KL: variants seen among roughly 807,000 people sequenced by gnomAD.
KL encodes klotho, also known as alpha-klotho.
In KL, 62 loss-of-function variants were observed where a neutral mutation model predicts 84.2. The observed-to-expected ratio is 0.74, with a 90% CI of 0.60 to 0.91. KL has a LOEUF of 0.91. KL is among the 40% of genes least tolerant of loss of function. The probability of loss-of-function intolerance (pLI) is 0.00; values close to 1 mark genes in which losing one functional copy is unlikely to be tolerated. For missense variants in KL, 1,261 were observed against 1,305.7 expected, an observed-to-expected ratio of 0.97 and a Z score of 0.53; for synonymous variants, 528 against 528.0, an observed-to-expected ratio of 1.00 and a Z score of 0.00.
chr13:33,016,410 G>A, upstream of KL: 3 of 821,542 alleles, frequency 3.7e-6, no homozygotes, highest in South Asian at 1.6e-4. Flanking sequence ...GGGGCGCGGC[G>A]CGGGGCCCCG....
At chr13:33,057,382 G>A (rs896745579) in intron 3 of KL, among the ~76,000 whole-genome samples, 1 of 152,138 alleles carries the variant, frequency 6.6e-6, no homozygotes, top group African/African-American at 2.4e-5. Flanking sequence ...AGTCTTAAGG[G>A]TACATCCTAT....
At chr13:33,025,055 A>G (rs999037726) in intron 1 of KL, among the ~76,000 whole-genome samples, 2 of 152,188 alleles carry the variant, frequency 1.3e-5, no homozygotes, top group African/African-American at 4.8e-5. Flanking sequence ...GCACTGTCAG[A>G]AAAGAGGGAT....
chr13:33,061,586 T>A lies in KL; in HGVS notation c.2507T>A (p.Ile836Asn). 1 of 1,614,160 alleles carries A rather than the reference T, an allele frequency of 6.2e-7. No individual in the cohort carries two copies. The highest frequency in any genetic ancestry group is 8.5e-7 in the Non-Finnish European group (1 of 1,180,034). The change falls in exon 4 of 5, where the codon ATC (isoleucine) becomes AAC (asparagine). Residue 836 changes from isoleucine to asparagine, a missense_variant. Ile to Asn is a moderately radical substitution (Grantham distance 149). Coordinates refer to ENST00000380099, the MANE Select transcript of KL (RefSeq NM_004795.4). Reference protein sequence around the residue: ...DYLEVQEMTDITWLNSPSQVA... With the variant: ...DYLEVQEMTDNTWLNSPSQVA... Reference sequence around the variant, plus strand: ...CTAGAAGTGCAAGAAATGACCGACATCACGTGGCTCAACTCCCCCAGTCAG... The same window carrying A: ...CTAGAAGTGCAAGAAATGACCGACAACACGTGGCTCAACTCCCCCAGTCAG...
chr13:33,035,858 C>G (rs887473329), intron 1 of KL, among the ~76,000 whole-genome samples: 2 of 152,112 alleles, frequency 1.3e-5, no homozygotes, highest in Non-Finnish European at 2.9e-5. Flanking sequence ...TAGTTCTGTA[C>G]AGATAAATTA....
At chr13:33,034,678 G>T (rs140740268) in intron 1 of KL, among the ~76,000 whole-genome samples, 1 of 151,940 alleles carries the variant, frequency 6.6e-6, no homozygotes, top group Non-Finnish European at 1.5e-5. Flanking sequence ...GTTGGTTGTC[G>T]CTCCTCCTGC....
In KL at chr13:33,064,933, A is replaced by G. The variant is rs905319701; in HGVS notation, c.*747A>G. Reference sequence around the variant, plus strand: ...TTGATAAGTATCTGCGGAAAAACAAACATGAATCCTGTGATATTGGGCTCT... The same window carrying G: ...TTGATAAGTATCTGCGGAAAAACAAGCATGAATCCTGTGATATTGGGCTCT... On this transcript the variant is annotated 3_prime_UTR_variant, in exon 5 of 5. Coordinates refer to ENST00000380099, the MANE Select transcript of KL (RefSeq NM_004795.4). 1.3e-5 allele frequency: 3 copies of G among 228,834 alleles called. No homozygotes were observed. Among genetic ancestry groups the G allele is most frequent in the African/African-American group, 6.7e-5 (3 of 45,084 alleles). 14.2% of individuals were successfully genotyped at this position (228,834 alleles called of 1,614,324 possible).
At chr13:33,018,457 A>C (rs982779374) in intron 1 of KL, among the ~76,000 whole-genome samples, 1 of 152,214 alleles carries the variant, frequency 6.6e-6, no homozygotes, top group Non-Finnish European at 1.5e-5. Flanking sequence ...AATAATGGCT[A>C]AATTAGATTT....
In KL at chr13:33,065,502, A is replaced by G. The variant is rs1593815865; in HGVS notation, c.*1316A>G. 4 of 188,816 alleles carry G rather than the reference A, an allele frequency of 2.1e-5. No individual in the cohort carries two copies. In the East Asian group the frequency reaches 3.4e-4, roughly 16 times the overall value. 11.7% of individuals were successfully genotyped at this position (188,816 alleles called of 1,614,324 possible). A position where few individuals can be genotyped will look rare whatever the true frequency, so the allele number is the denominator to read the frequency against. On this transcript the variant is annotated 3_prime_UTR_variant, in exon 5 of 5. Transcript: ENST00000380099. ...ATATTGTATCAGGCAAGATAAACCA[A>G]TGTCATAACAGGCATTGCCAACCTC... is the stretch of plus-strand genomic sequence containing the variant.
chr13:33,059,288 A>G (rs1220856635), intron 3 of KL, among the ~76,000 whole-genome samples: 4 of 152,206 alleles, frequency 2.6e-5, no homozygotes, highest in Non-Finnish European at 4.4e-5. Context: ...CACTTTTCCT[A>G]AATACTTTTT....
Position 33,037,283 on chromosome 13 carries a change from A to T in KL, c.820-16484A>T, listed in dbSNP as rs748469450. Among the ~76,000 whole-genome samples, 6 of 152,188 alleles carry T rather than the reference A, an allele frequency of 3.9e-5. No homozygotes were observed. In the East Asian group the frequency reaches 1.2e-3, roughly 29 times the overall value. On this transcript the variant is annotated intron_variant, in intron 1 of 4. Coordinates refer to ENST00000380099, the MANE Select transcript of KL (RefSeq NM_004795.4). ...ATTTGTTGAATAAATGACTAAATAA[A>T]TGTCTTGGCATGAGAATTATGCCAT...
At chr13:33,029,901 G>T (rs1441472817) in intron 1 of KL, among the ~76,000 whole-genome samples, 1 of 151,604 alleles carries the variant, frequency 6.6e-6, no homozygotes. Context: ...CCAAAGTGCT[G>T]GGATTACAGG....
rs142289533 is a variant in KL, at chr13:33,047,545, G to A, written c.820-6222G>A. Among the ~76,000 whole-genome samples the A allele has an allele frequency of 7.8e-3, 1,190 of 152,156 alleles. 49 individuals carry two copies. Among genetic ancestry groups the A allele is most frequent in the Admixed American group, 0.064 (972 of 15,272 alleles). Reference sequence around the variant, plus strand: ...GGGTTTCACCATGTTGGTCAGGCTGGTCTTGAACTCCTGACCTCGTGATCC... The same window carrying A: ...GGGTTTCACCATGTTGGTCAGGCTGATCTTGAACTCCTGACCTCGTGATCC... On this transcript the variant is annotated intron_variant, in intron 1 of 4. Transcript: ENST00000380099.
chr13:33,046,412 G>T (rs118136643), intron 1 of KL, among the ~76,000 whole-genome samples: 2,003 of 152,224 alleles, frequency 0.013, 33 homozygotes, highest in South Asian at 0.07. Context: ...TATCTAATTT[G>T]CTGGCATCCA....
Position 33,017,255 on chromosome 13 carries a change from T to C in KL, c.815T>C (p.Leu272Pro). 6.4e-7 allele frequency: 1 copy of C among 1,569,500 alleles called. No homozygotes were observed. The highest frequency in any genetic ancestry group is 8.6e-7 in the Non-Finnish European group (1 of 1,164,338). ...GGGTACCTGGTGGCGCACAACCTCC[T>C]CCTGGTGAGTGCGAGGGGCCAGGCG... is the stretch of plus-strand genomic sequence containing the variant. ...RLGYLVAHNL[L>P]LAHAKVWHLY... Residue 272 changes from leucine to proline, a missense_variant, in exon 1 of 5, where the codon CTC becomes CCC. Physicochemically the swap from Leu to Pro is moderately conservative, Grantham distance 98. Coordinates refer to ENST00000380099, the MANE Select transcript of KL (RefSeq NM_004795.4).
rs780420253 is a variant in KL at position 33,054,283 on chromosome 13, A to G, written c.1330+6A>G. 1 of 1,612,768 alleles carries G rather than the reference A, an allele frequency of 6.2e-7. No homozygotes were observed. Among genetic ancestry groups the G allele is most frequent in the African/African-American group, 1.3e-5 (1 of 75,000 alleles). On this transcript the variant is annotated splice_donor_region_variant and intron_variant, in intron 2 of 4. Transcript: ENST00000380099. ...CATCATGGAAACCTTAAAAGGTATG[A>G]TTGTGGGTAAAGTTCTCATTTCCTG...
intron 1 of KL, among the ~76,000 whole-genome samples, chr13:33,018,564 T>C (rs1234295421): frequency 6.6e-6 from 1 of 152,246 alleles, no homozygotes; most frequent in African/African-American, 2.4e-5. Context: ...TTCATACTTA[T>C]GTATGTCTTT....
rs897954853 is a variant in KL, at chr13:33,064,259, C to G, written c.*73C>G. The G allele has an allele frequency of 4.4e-6, 5 of 1,139,104 alleles. No individual in the cohort carries two copies. The African/African-American group carries it at 6.2e-5, about 14-fold the overall frequency. The allele number at this position is 1,139,104 out of a possible 1,614,324, so 70.6% of individuals were successfully genotyped here. ...CATCAGCTGTTAACCATTTGCACCTCTAAGTGTTGTGAAACTGTAAATTTC... is the reference window on the plus strand; with the variant it reads ...CATCAGCTGTTAACCATTTGCACCTGTAAGTGTTGTGAAACTGTAAATTTC... On this transcript the variant is annotated 3_prime_UTR_variant, in exon 5 of 5. Coordinates refer to ENST00000380099, the MANE Select transcript of KL (RefSeq NM_004795.4).
chr13:33,044,326 A>T (rs569130788), intron 1 of KL, among the ~76,000 whole-genome samples: 1 of 152,080 alleles, frequency 6.6e-6, no homozygotes. Context: ...TATTGTATAT[A>T]TTTTAGAATC....
At chr13:33,033,478 C>T (rs1220887448) in intron 1 of KL, among the ~76,000 whole-genome samples, 1 of 152,178 alleles carries the variant, frequency 6.6e-6, no homozygotes, top group Non-Finnish European at 1.5e-5. Flanking sequence ...CCCCGCTGCC[C>T]CACGCCATCC....
Sources: allele counts gnomAD v4.1 joint callset (sites outside exome capture counted in the v4.1 genomes callset), GRCh38; gene constraint gnomAD v4.1.1; transcripts MANE v1.5; gene names NCBI Gene and HGNC (gene_info 2026-07-23, HGNC 2026-07-21).